The following MB21D2 variants were observed in gnomAD, a reference collection of about 807,000 sequenced individuals.
MB21D2 encodes the protein Mab-21 domain containing 2.
In MB21D2, 9 loss-of-function variants were observed where a neutral mutation model predicts 33.3. The ratio of observed to expected loss-of-function variants is 0.27; its 90% confidence interval spans 0.16 to 0.47. The LOEUF is 0.47. Among genes scored for constraint, MB21D2 ranks in the 20% least tolerant of loss-of-function variants. The pLI is 0.99. For missense variants in MB21D2, 540 were observed against 624.6 expected, an observed-to-expected ratio of 0.86 and a Z score of 1.44; for synonymous variants, 241 against 236.3, an observed-to-expected ratio of 1.02 and a Z score of -0.18.
At chr3:192,863,962 A>G (rs531227013) in intron 1 of MB21D2, among the ~76,000 whole-genome samples, 1 of 152,344 alleles carries the variant, frequency 6.6e-6, no homozygotes, top group South Asian at 2.1e-4. Flanking sequence ...ATTTTGTTAC[A>G]GCAACCTGAA....
intron 1 of MB21D2, among the ~76,000 whole-genome samples, chr3:192,891,207 T>C (rs956124355): frequency 1.3e-5 from 2 of 152,288 alleles, no homozygotes; most frequent in East Asian, 1.9e-4. Context: ...GATTTACATA[T>C]GGTCACCTGA....
At chr3:192,892,632 G>A (rs577766692) in intron 1 of MB21D2, among the ~76,000 whole-genome samples, 402 of 152,058 alleles carry the variant, frequency 2.6e-3, no homozygotes, top group Non-Finnish European at 4.6e-3. Flanking sequence ...TAGTAGAGAC[G>A]GGGTTTCACC....
intron 1 of MB21D2, among the ~76,000 whole-genome samples, chr3:192,882,167 C>T (rs1713610091): frequency 6.6e-6 from 1 of 151,954 alleles, no homozygotes; most frequent in African/African-American, 2.4e-5. Context: ...CTCTTGATGC[C>T]CAGGCTAGAG....
At chr3:192,910,299 A>C (rs1473534817) in intron 1 of MB21D2, among the ~76,000 whole-genome samples, 1 of 111,398 alleles carries the variant, frequency 9.0e-6, no homozygotes, top group Non-Finnish European at 1.7e-5. Context: ...CCATCTCTAC[A>C]AAAAAAAAAA....
chr3:192,904,239 G>A (rs1331245125), intron 1 of MB21D2, among the ~76,000 whole-genome samples: 2 of 152,146 alleles, frequency 1.3e-5, no homozygotes, highest in African/African-American at 2.4e-5. Flanking sequence ...GCAGGACACC[G>A]GGTTCTAGTC....
At chr3:192,906,032 T>G (rs1714209265) in intron 1 of MB21D2, among the ~76,000 whole-genome samples, 1 of 152,174 alleles carries the variant, frequency 6.6e-6, no homozygotes. Flanking sequence ...TGCTGAGGAA[T>G]AAATCAAATC....
chr3:192,872,531 G>A (rs1039320181), intron 1 of MB21D2, among the ~76,000 whole-genome samples: 25 of 150,186 alleles, frequency 1.7e-4, no homozygotes, highest in Admixed American at 6.0e-4. Flanking sequence ...AGCCGAGATC[G>A]CGCCACTGCA....
chr3:192,894,099 T>C (rs1713913936), intron 1 of MB21D2, among the ~76,000 whole-genome samples: 1 of 152,056 alleles, frequency 6.6e-6, no homozygotes, highest in Non-Finnish European at 1.5e-5. Flanking sequence ...CAAGCTCTTC[T>C]CTCCCCAGCA....
At chr3:192,840,824 C>T (rs965207805) in intron 1 of MB21D2, among the ~76,000 whole-genome samples, 1 of 152,272 alleles carries the variant, frequency 6.6e-6, no homozygotes, top group African/African-American at 2.4e-5. Context: ...AAACTTTTCC[C>T]GCCTGAAGAT....
chr3:192,900,895 C>T (rs1259179813), intron 1 of MB21D2, among the ~76,000 whole-genome samples: 7 of 150,972 alleles, frequency 4.6e-5, no homozygotes, highest in African/African-American at 9.7e-5. Flanking sequence ...GAGCTGAGAT[C>T]GCGCCACTGC....
Position 192,798,486 on chromosome 3 carries a change from T to C in MB21D2, c.1376A>G (p.Gln459Arg), listed in dbSNP as rs753062055. The C allele has an allele frequency of 1.9e-6, 3 of 1,614,122 alleles. No individual in the cohort carries two copies. The highest frequency in any genetic ancestry group is 1.3e-5 in the African/African-American group (1 of 74,944). ...TCCCGGGTTCTCAGTCACTAGCTGC[T>C]GCAGTTTTTTTGCCAAACGGTCATC... ...QPDDRLAKKL[Q>R]QLVTENPGKS... The change falls in exon 2 of 2, where the codon CAG (glutamine) becomes CGG (arginine). Residue 459 changes from glutamine to arginine, a missense_variant. Transcript: ENST00000392452. The surrounding 1 kb of genome is among the most constrained non-coding windows in gnomAD (Gnocchi z 4.8).
At chr3:192,915,080 G>C (rs1173622452) in intron 1 of MB21D2, among the ~76,000 whole-genome samples, 1 of 152,096 alleles carries the variant, frequency 6.6e-6, no homozygotes, top group East Asian at 1.9e-4. Context: ...TTCGTGGTTG[G>C]CCACTTCATT....
intron 1 of MB21D2, among the ~76,000 whole-genome samples, chr3:192,883,648 T>C (rs1367100132): frequency 6.6e-6 from 1 of 152,120 alleles, no homozygotes; most frequent in East Asian, 1.9e-4. Flanking sequence ...GTTGTAGTTG[T>C]ATCTCTGTGA....
intron 1 of MB21D2, among the ~76,000 whole-genome samples, chr3:192,848,549 A>G (rs1712719439): frequency 6.6e-6 from 1 of 152,254 alleles, no homozygotes; most frequent in African/African-American, 2.4e-5. Flanking sequence ...TATTCCCAAC[A>G]AAGATAAATT....
chr3:192,917,507 C>G, intron 1 of MB21D2, 123 bp downstream of exon 1: 1 of 950,146 alleles, frequency 1.1e-6, no homozygotes, highest in East Asian at 2.5e-5. Flanking sequence ...TGGCTTATAC[C>G]CAAGGCACCG....
chr3:192,825,920 T>C (rs1712165004), intron 1 of MB21D2, among the ~76,000 whole-genome samples: 2 of 152,232 alleles, frequency 1.3e-5, no homozygotes, highest in Non-Finnish European at 1.5e-5. Context: ...AGTAATTGCA[T>C]TGTTTCCTAC....
At chr3:192,917,533 C>A in intron 1 of MB21D2, 97 bp downstream of exon 1, 2 of 1,354,546 alleles carry the variant, frequency 1.5e-6, no homozygotes, top group South Asian at 1.3e-5. Flanking sequence ...GGAAGGCAAC[C>A]CAGAAGGGAA....
chr3:192,874,756 C>G (rs1713392571), intron 1 of MB21D2, among the ~76,000 whole-genome samples: 3 of 152,152 alleles, frequency 2.0e-5, no homozygotes, highest in South Asian at 4.1e-4. Context: ...AGCAGAAAAA[C>G]AGAGAAAGAT....
chr3:192,846,367 T>C (rs975294024), intron 1 of MB21D2, among the ~76,000 whole-genome samples: 1 of 152,208 alleles, frequency 6.6e-6, no homozygotes, highest in Admixed American at 6.5e-5. Context: ...AGTTCATATA[T>C]ATTATTTCAA....
Sources: allele counts gnomAD v4.1 joint callset (sites outside exome capture counted in the v4.1 genomes callset), GRCh38; gene constraint gnomAD v4.1.1; non-coding constraint Gnocchi (gnomAD v3.1); transcripts MANE v1.5; gene names NCBI Gene and HGNC (gene_info 2026-07-23, HGNC 2026-07-21).